CCSER2: variants seen among roughly 807,000 people sequenced by gnomAD.
The protein encoded by CCSER2 is coiled-coil serine rich protein 2.
A neutral mutation model predicts 92.3 loss-of-function variants in CCSER2; 46 were observed. The observed-to-expected ratio is 0.50, with a 90% confidence interval of 0.39 to 0.64. CCSER2 has a LOEUF of 0.64. Ranked by LOEUF, CCSER2 falls within the 30% of genes least tolerant of loss-of-function variation. CCSER2 has a pLI of 0.00. For missense variants in CCSER2, 1,244 were observed against 1,238.9 expected (o/e 1.00, Z -0.06); for synonymous variants, 433 against 431.4 (o/e 1.00, Z -0.04).
At chr10:84,505,297 G>C (rs1398582729) in intron 9 of CCSER2, among the ~76,000 whole-genome samples, 2 of 152,108 alleles carry the variant, frequency 1.3e-5, no homozygotes. Flanking sequence ...TTATCTTTGT[G>C]TATAAATCAG....
chr10:84,428,038 A>C (rs1843534039), intron 5 of CCSER2, among the ~76,000 whole-genome samples: 1 of 152,282 alleles, frequency 6.6e-6, no homozygotes, highest in East Asian at 1.9e-4. Flanking sequence ...AGCTTACAAA[A>C]GGCTTGGCCC....
At chr10:84,361,706 A>G (rs184250872) in intron 1 of CCSER2, among the ~76,000 whole-genome samples, 122 of 151,886 alleles carry the variant, frequency 8.0e-4, no homozygotes, top group African/African-American at 2.9e-3. Flanking sequence ...CAGTGGTGCA[A>G]TCTCACCTCA....
chr10:84,391,888 G>A, intron 3 of CCSER2: 1 of 1,359,628 alleles, frequency 7.4e-7, no homozygotes, highest in Non-Finnish European at 1.1e-6. Flanking sequence ...TTGTGATGCT[G>A]TTGCATCATG....
At chr10:84,492,731 T>G (rs889095575) in intron 9 of CCSER2, among the ~76,000 whole-genome samples, 15 of 152,332 alleles carry the variant, frequency 9.8e-5, no homozygotes, top group African/African-American at 3.6e-4. Context: ...ACCTATGAGT[T>G]TTCTTCTTTA....
At chr10:84,358,365 A>C (rs1380295110) in intron 1 of CCSER2, among the ~76,000 whole-genome samples, 1 of 152,108 alleles carries the variant, frequency 6.6e-6, no homozygotes, top group Non-Finnish European at 1.5e-5. Context: ...ACTGAGACTT[A>C]CTGAGAGAGG....
intron 1 of CCSER2, among the ~76,000 whole-genome samples, chr10:84,354,351 CATCTT>C (rs1174187471): frequency 6.6e-6 from 1 of 151,726 alleles, no homozygotes; most frequent in East Asian, 1.9e-4. Flanking sequence ...TTTCTGTCCT[CATCTT>C]GTCTCCTGAA....
At chr10:84,342,819 A>G (rs183966733) in intron 1 of CCSER2, among the ~76,000 whole-genome samples, 100 of 152,242 alleles carry the variant, frequency 6.6e-4, no homozygotes, top group African/African-American at 2.3e-3. Context: ...ACCTTAGACC[A>G]TCATGCCCAT....
chr10:84,409,209 T>C (rs1289831655), intron 3 of CCSER2, among the ~76,000 whole-genome samples: 1 of 152,122 alleles, frequency 6.6e-6, no homozygotes, highest in East Asian at 1.9e-4. Context: ...CAGGGTGGTC[T>C]TGAATTCCTG....
chr10:84,375,841 CT>C (rs968715182), intron 3 of CCSER2, among the ~76,000 whole-genome samples: 2 of 145,510 alleles, frequency 1.4e-5, no homozygotes, highest in East Asian at 2.0e-4. Flanking sequence ...AATTGTCTTG[CT>C]TTTTTTTTCT....
At chr10:84,474,383 G>A (rs569762375) in intron 8 of CCSER2, among the ~76,000 whole-genome samples, 123 of 152,128 alleles carry the variant, frequency 8.1e-4, no homozygotes, top group African/African-American at 2.8e-3. Flanking sequence ...GTACTGGGCT[G>A]GGCACGGTGG....
intron 9 of CCSER2, among the ~76,000 whole-genome samples, chr10:84,502,203 C>G (rs914494654): frequency 6.6e-6 from 1 of 151,590 alleles, no homozygotes; most frequent in Non-Finnish European, 1.5e-5. Context: ...TGAAACAGAT[C>G]TCTTCTTTTC....
At chr10:84,483,409 AG>A (rs1487428015) in intron 9 of CCSER2, among the ~76,000 whole-genome samples, 1 of 151,800 alleles carries the variant, frequency 6.6e-6, no homozygotes, top group African/African-American at 2.4e-5. Context: ...AAAAAAAAAA[AG>A]ACTTAGGTTT....
chr10:84,472,257 C>T (rs913809091), intron 8 of CCSER2, among the ~76,000 whole-genome samples: 4 of 152,028 alleles, frequency 2.6e-5, no homozygotes, highest in Admixed American at 6.6e-5. Flanking sequence ...GAAAATGGCA[C>T]GATAAGGCTG....
chr10:84,331,077 G>A (rs1417688819), intron 1 of CCSER2, among the ~76,000 whole-genome samples: 1 of 152,294 alleles, frequency 6.6e-6, no homozygotes, highest in South Asian at 2.1e-4. Flanking sequence ...ATAGAATATT[G>A]AACTTGAAAG....
chr10:84,399,229 C>G (rs1841992862), intron 3 of CCSER2, among the ~76,000 whole-genome samples: 1 of 152,168 alleles, frequency 6.6e-6, no homozygotes, highest in Non-Finnish European at 1.5e-5. Context: ...TTATTCCACT[C>G]TGTATGTCCA....
intron 4 of CCSER2, among the ~76,000 whole-genome samples, chr10:84,423,499 T>A (rs568380333): frequency 6.6e-6 from 1 of 152,338 alleles, no homozygotes; most frequent in African/African-American, 2.4e-5. Flanking sequence ...AGTTTCTACA[T>A]TGTAATTGCT....
intron 7 of CCSER2, among the ~76,000 whole-genome samples, chr10:84,467,745 G>A (rs527622965): frequency 6.6e-6 from 1 of 151,802 alleles, no homozygotes; most frequent in African/African-American, 2.4e-5. Flanking sequence ...TTCTTTTGTT[G>A]GCGCAGCTAT....
At chr10:84,410,534 C>T (rs1842596233) in intron 3 of CCSER2, among the ~76,000 whole-genome samples, 1 of 152,066 alleles carries the variant, frequency 6.6e-6, no homozygotes, top group African/African-American at 2.4e-5. Context: ...AGCTTTTCTT[C>T]ATCTTTGTTG....
chr10:84,335,672 A>AG (rs1327661275), intron 1 of CCSER2, among the ~76,000 whole-genome samples: 2 of 152,186 alleles, frequency 1.3e-5, no homozygotes, highest in Non-Finnish European at 2.9e-5. Flanking sequence ...TGAATACGCT[A>AG]GGGACAAAGA....
Sources: gnomAD v4.1 joint callset for allele counts (sites outside exome capture counted in the v4.1 genomes callset) on GRCh38, gnomAD v4.1.1 for gene constraint, MANE v1.5 for transcripts, NCBI Gene and HGNC (gene_info 2026-07-23, HGNC 2026-07-21) for gene names.